NSMCE4A: variants seen among roughly 807,000 people sequenced by gnomAD.
NSMCE4A encodes NSE4A component of SMC5/6 complex.
In NSMCE4A, 40 loss-of-function variants were observed where a neutral mutation model predicts 47.9. That is an observed-to-expected ratio of 0.83 (90% confidence interval 0.65 to 1.09). The LOEUF is 1.09. Ranked by LOEUF, NSMCE4A falls within the 50% of genes least tolerant of loss-of-function variation. The probability of loss-of-function intolerance (pLI) is 0.00; values close to 1 mark genes in which losing one functional copy is unlikely to be tolerated. For missense variants in NSMCE4A, 500 were observed against 507.0 expected (o/e 0.99, Z 0.13); for synonymous variants, 166 against 178.5 (o/e 0.93, Z 0.56).
intron 1 of NSMCE4A, chr10:121,974,590 C>CACTG: frequency 9.6e-7 from 1 of 1,043,744 alleles, no homozygotes; most frequent in Non-Finnish European, 1.2e-6. Flanking sequence ...TGCCTCTCCC[C>CACTG]ACTGGCTGGC....
At position 121,975,004 on chromosome 10, in the gene NSMCE4A, G is replaced by T; in HGVS notation, c.162C>A (p.Ser54Arg). 1 of 1,509,100 alleles carries T rather than the reference G, an allele frequency of 6.6e-7. No homozygotes were observed. 93.5% of individuals were successfully genotyped at this position (1,509,100 alleles called of 1,614,324 possible). A position where few individuals can be genotyped will look rare whatever the true frequency, so the allele number is the denominator to read the frequency against. The change falls in exon 1 of 11, where the codon AGC becomes AGA. Residue 54 changes from serine (S) to arginine (R), a missense_variant. By Grantham distance (110) the Ser-to-Arg change is moderately radical. Coordinates refer to ENST00000369023, the MANE Select transcript of NSMCE4A (RefSeq NM_017615.3). ...RERREAPERP[S>R]LEDTEPSDSG... ...AATCCGACGGCTCTGTGTCCTCCAG[G>T]CTCGGGCGCTCTGGGGCCTCTCTGC... is the stretch of plus-strand genomic sequence containing the variant.
At chr10:121,965,159 T>C (rs1590783535) in intron 5 of NSMCE4A, 127 bp downstream of exon 5, 1 of 616,826 alleles carries the variant, frequency 1.6e-6, no homozygotes, top group Non-Finnish European at 2.9e-6. Context: ...ATAAAATGAT[T>C]ATTTAAGTGA....
At chr10:121,961,789 A>G in intron 6 of NSMCE4A, 1 of 340,176 alleles carries the variant, frequency 2.9e-6, no homozygotes, top group Non-Finnish European at 5.3e-6. Flanking sequence ...CAATTTATAC[A>G]AGAGTAAAAT....
At position 121,975,019 on chromosome 10, in the gene NSMCE4A, G is replaced by A. The variant is rs955708779; in HGVS notation, c.147C>T (p.Ala49=). The stretch of plus-strand genomic sequence containing the variant: ...TGTCCTCCAGGCTCGGGCGCTCTGG[G>A]GCCTCTCTGCGCTCCCGCGCAGAGC... The part of the protein sequence containing the change: ...RRGSARERRE[A]PERPSLEDTE... The change falls in exon 1 of 11, where the codon GCC becomes GCT. Residue 49 remains alanine (A), a synonymous_variant. Transcript: ENST00000369023. 6.7e-7 allele frequency: 1 copy of A among 1,501,082 alleles called. No individual in the cohort carries two copies. The highest frequency in any genetic ancestry group is 8.9e-7 in the Non-Finnish European group (1 of 1,129,778). 93.0% of individuals were successfully genotyped at this position (1,501,082 alleles called of 1,614,324 possible).
chr10:121,973,287 C>T (rs1952752572), intron 2 of NSMCE4A, among the ~76,000 whole-genome samples: 1 of 151,884 alleles, frequency 6.6e-6, no homozygotes, highest in African/African-American at 2.4e-5. Context: ...CCCCTATGTT[C>T]CCACAGACCC....
At position 121,974,290 on chromosome 10, in the gene NSMCE4A, C is replaced by A; in HGVS notation, c.293-209G>T. On this transcript the variant is annotated intron_variant, in intron 1 of 10. Transcript: ENST00000369023. Reference sequence around the variant, plus strand: ...TGCAGCATGAATTTTAAAAGGAAACCCTAGCTCCCTCTAACCTTAACCCAA... The same window carrying A: ...TGCAGCATGAATTTTAAAAGGAAACACTAGCTCCCTCTAACCTTAACCCAA... The A allele has an allele frequency of 2.2e-6, 3 of 1,384,824 alleles. No individual in the cohort carries two copies. The South Asian group carries it at 5.0e-5, about 23-fold the overall frequency. The allele number at this position is 1,384,824 out of a possible 1,614,324, so 85.8% of individuals were successfully genotyped here.
Position 121,973,998 on chromosome 10 carries a change from A to T in NSMCE4A, c.370+6T>A. On this transcript the variant is annotated splice_donor_region_variant and intron_variant, in intron 2 of 10. Transcript: ENST00000369023. ...ACACGAAATAACATATAAAATAACA[A>T]ATTACCTTCATTAAACAGAGTGTTA... 1 of 1,569,918 alleles carries T rather than the reference A, an allele frequency of 6.4e-7. No individual in the cohort carries two copies. Among genetic ancestry groups the T allele is most frequent in the Non-Finnish European group, 8.7e-7 (1 of 1,149,366 alleles).
intron 2 of NSMCE4A, among the ~76,000 whole-genome samples, chr10:121,973,210 TG>T (rs1952749323): frequency 7.0e-6 from 1 of 141,912 alleles, no homozygotes; most frequent in Non-Finnish European, 1.5e-5. Context: ...CACTCCAGCC[TG>T]GGCAACAGAG....
Position 121,967,760 on chromosome 10 carries a change from C to G in NSMCE4A, c.548G>C (p.Arg183Pro), listed in dbSNP as rs1477288921. 3.1e-6 allele frequency: 5 copies of G among 1,614,054 alleles called. No homozygotes were observed. The highest frequency in any genetic ancestry group is 4.2e-6 in the Non-Finnish European group (5 of 1,179,994). Residue 183 changes from arginine to proline, a missense_variant, in exon 4 of 11, where the codon CGT becomes CCT. Arg to Pro is a moderately radical substitution (Grantham distance 103, BLOSUM62 -2). Coordinates refer to ENST00000369023, the MANE Select transcript of NSMCE4A (RefSeq NM_017615.3). Reference sequence around the variant, plus strand: ...TTCAAAATCAGGACTATCTTCATCACGGATGAGTTCTTCAGCTTCTAGCGG... The same window carrying G: ...TTCAAAATCAGGACTATCTTCATCAGGGATGAGTTCTTCAGCTTCTAGCGG... ...VNPLEAEELI[R>P]DEDSPDFEFI...
chr10:121,964,760 A>G (rs1952574649), intron 5 of NSMCE4A, among the ~76,000 whole-genome samples: 2 of 152,194 alleles, frequency 1.3e-5, no homozygotes, highest in Admixed American at 6.5e-5. Flanking sequence ...TTTCATATCA[A>G]TTTCTTAATA....
chr10:121,966,874 G>T (rs1015070451), intron 4 of NSMCE4A: 5 of 152,154 alleles, frequency 3.3e-5, no homozygotes, highest in Non-Finnish European at 7.4e-5. Context: ...CAAATATAAA[G>T]AAATCTTTTT....
At chr10:121,969,254 G>C (rs796799076) in intron 3 of NSMCE4A, among the ~76,000 whole-genome samples, 8 of 152,260 alleles carry the variant, frequency 5.3e-5, no homozygotes, top group African/African-American at 1.7e-4. Context: ...AGAATCGCTT[G>C]AACCCAGGAG....
chr10:121,974,277 T>C, intron 1 of NSMCE4A, 196 bp from the exon 2 acceptor site: 1 of 1,402,726 alleles, frequency 7.1e-7, no homozygotes, highest in South Asian at 1.6e-5. Context: ...CAGCATGAAT[T>C]TTAAAAGGAA....
intron 6 of NSMCE4A, among the ~76,000 whole-genome samples, chr10:121,962,979 G>A (rs944761958): frequency 2.0e-5 from 3 of 152,120 alleles, no homozygotes; most frequent in Admixed American, 6.6e-5. Flanking sequence ...AGGGGAGGTG[G>A]AACAGCTACT....
At chr10:121,957,924 T>C (rs1475655656) in intron 10 of NSMCE4A, among the ~76,000 whole-genome samples, 2 of 151,536 alleles carry the variant, frequency 1.3e-5, no homozygotes, top group East Asian at 1.9e-4. Context: ...GATATATTTA[T>C]AGATTAAAAA....
At chr10:121,965,224 A>C in intron 5 of NSMCE4A, 62 bp downstream of exon 5, 1 of 1,238,420 alleles carries the variant, frequency 8.1e-7, no homozygotes, top group Non-Finnish European at 1.2e-6. Flanking sequence ...TTGCATGCAC[A>C]TTATTTTAAC....
rs192690788 is a variant in NSMCE4A at position 121,970,986 on chromosome 10, G to A, written c.454C>T (p.Arg152Cys). 8.6e-5 allele frequency: 138 copies of A among 1,613,828 alleles called. No homozygotes were observed. Among genetic ancestry groups the A allele is most frequent in the Non-Finnish European group, 1.1e-4 (131 of 1,179,812 alleles). ...ATGTCAAAGGAGCTCAGGTCTGAGC[G>A]CAGCTGCTTTGCTTTCTCTTTGCCC... is the stretch of plus-strand genomic sequence containing the variant. ...DLGKEKAKQL[R>C]SDLSSFDMLR... The change falls in exon 3 of 11, where the codon CGC (arginine) becomes TGC (cysteine). Residue 152 changes from arginine (R) to cysteine (C), a missense_variant. By Grantham distance (180) the Arg-to-Cys change is radical (BLOSUM62 -3). Coordinates refer to ENST00000369023, the MANE Select transcript of NSMCE4A (RefSeq NM_017615.3).
intron 5 of NSMCE4A, among the ~76,000 whole-genome samples, chr10:121,964,359 G>T (rs532198745): frequency 6.6e-6 from 1 of 152,058 alleles, no homozygotes; most frequent in South Asian, 2.1e-4. Flanking sequence ...TGGCCAGGCT[G>T]GTTTCTAACT....
At chr10:121,964,940 C>T (rs1006389264) in intron 5 of NSMCE4A, among the ~76,000 whole-genome samples, 3 of 151,922 alleles carry the variant, frequency 2.0e-5, no homozygotes, top group Admixed American at 6.6e-5. Context: ...ACTCAGGGGT[C>T]GGGGGGGCTA....
Sources: allele counts gnomAD v4.1 joint callset (sites outside exome capture counted in the v4.1 genomes callset), GRCh38; gene constraint gnomAD v4.1.1; transcripts MANE v1.5; gene names NCBI Gene and HGNC (gene_info 2026-07-23, HGNC 2026-07-21).